Variants in TECPR1 observed in about 807,000 individuals in gnomAD.
The protein encoded by TECPR1 is tectonin beta-propeller repeat containing 1, also known as tectonin beta-propeller repeat-containing protein 1.
In TECPR1, 122 loss-of-function variants were observed where a neutral mutation model predicts 162.4. That is an observed-to-expected ratio of 0.75 (90% confidence interval 0.65 to 0.87). The LOEUF (loss-of-function observed/expected upper bound fraction) is 0.87. TECPR1 is among the 40% of genes least tolerant of loss of function. The pLI is 0.00. For missense variants in TECPR1, 1,432 were observed against 1,618.2 expected, an observed-to-expected ratio of 0.88 and a Z score of 1.97; for synonymous variants, 642 against 670.6, an observed-to-expected ratio of 0.96 and a Z score of 0.66.
intron 18 of TECPR1, 26 bp downstream of exon 18, chr7:98,224,979 AC>A (rs1327916948): frequency 2.6e-6 from 4 of 1,538,842 alleles, no homozygotes; most frequent in Non-Finnish European, 3.5e-6. Flanking sequence ...CGGATTCCCA[AC>A]CCCCCAGGGG....
rs187385588 is a variant in TECPR1, at chr7:98,241,731, C to T, written c.658-487G>A. Among the ~76,000 whole-genome samples the T allele has an allele frequency of 1.2e-3, 176 of 152,328 alleles. No homozygotes were observed. The highest frequency in any genetic ancestry group is 1.4e-3 in the Non-Finnish European group (96 of 68,020). ...AGCTGGGGGAGACTACATGTCACTT[C>T]GTGATCCAGAAAGGGCAAGGGACCC... On this transcript the variant is annotated intron_variant, in intron 6 of 25. Coordinates refer to ENST00000447648, the MANE Select transcript of TECPR1 (RefSeq NM_015395.3). The surrounding 1 kb of genome is among the most constrained non-coding windows in gnomAD (Gnocchi z 5.0).
intron 23 of TECPR1, among the ~76,000 whole-genome samples, chr7:98,220,845 C>T (rs1019250356): frequency 4.3e-5 from 6 of 138,998 alleles, no homozygotes; most frequent in African/African-American, 1.1e-4. Context: ...TGTGAGCCAC[C>T]GCGCTTGGCC....
rs758450212 is a variant in TECPR1, at chr7:98,246,096, C to T, written c.51G>A (p.Thr17=). Residue 17 remains threonine (T), a synonymous_variant, in exon 3 of 26, where the codon ACG becomes ACA. Transcript: ENST00000447648. ...CCCAGTACTGGCCTGCTGTGGACAGCGTGTACACTCTCCCGAAGAGGTCCA... is the reference window on the plus strand; with the variant it reads ...CCCAGTACTGGCCTGCTGTGGACAGTGTGTACACTCTCCCGAAGAGGTCCA... ...WAVDLFGRVY[T]LSTAGQYWEM... is the part of the protein sequence containing the mutation. The T allele has an allele frequency of 1.2e-5, 19 of 1,558,654 alleles. No individual in the cohort carries two copies. The highest frequency in any genetic ancestry group is 2.4e-5 in the East Asian group (1 of 41,466).
chr7:98,236,864 T>C lies in TECPR1; in HGVS notation c.1093A>G (p.Ser365Gly). The C allele has an allele frequency of 6.3e-7, 1 of 1,582,122 alleles. No homozygotes were observed. ...TTCCAGGTCTTCCCACTGAGCTCGCTGGGGGTGACACCCTGCCGGAAGTAC... is the reference window on the plus strand; with the variant it reads ...TTCCAGGTCTTCCCACTGAGCTCGCCGGGGGTGACACCCTGCCGGAAGTAC... ...AVYFRQGVTP[S>G]ELSGKTWKAI... The change falls in exon 10 of 26, where the codon AGC (serine) becomes GGC (glycine). Residue 365 changes from serine to glycine, a missense_variant. Physicochemically the swap from Ser to Gly is moderately conservative, Grantham distance 56. Transcript: ENST00000447648.
At chr7:98,227,556 C>T (rs1057377735) in intron 17 of TECPR1, among the ~76,000 whole-genome samples, 37 of 151,962 alleles carry the variant, frequency 2.4e-4, no homozygotes, top group Admixed American at 6.6e-5. Flanking sequence ...CGTGGTGGCT[C>T]ATGCCTGTAA....
rs1234554082 is a variant in TECPR1 at position 98,217,202 on chromosome 7, C to T, written c.*188G>A. On this transcript the variant is annotated 3_prime_UTR_variant, in exon 26 of 26. Coordinates refer to ENST00000447648, the MANE Select transcript of TECPR1 (RefSeq NM_015395.3). The stretch of plus-strand genomic sequence containing the variant: ...AGACGGGGACACGTGTGGGAGTGTC[C>T]GCGGAGCTTCACATTTCAGGGCCGT... 1.7e-5 allele frequency: 10 copies of T among 583,794 alleles called. No individual in the cohort carries two copies. Among genetic ancestry groups the T allele is most frequent in the South Asian group, 4.1e-5 (2 of 48,328 alleles). 36.2% of individuals were successfully genotyped at this position (583,794 alleles called of 1,614,324 possible).
chr7:98,217,914 G>A (rs769713156), intron 24 of TECPR1, 22 bp downstream of exon 24: 80 of 1,544,500 alleles, frequency 5.2e-5, no homozygotes, highest in East Asian at 1.7e-4. Flanking sequence ...CCAAGTGCCC[G>A]ATACCCCCTG....
chr7:98,236,216 A>C (rs1012800746), intron 10 of TECPR1, among the ~76,000 whole-genome samples: 14 of 152,178 alleles, frequency 9.2e-5, no homozygotes, highest in Non-Finnish European at 1.9e-4. Flanking sequence ...CCAAAACTGC[A>C]GCAGCATCAC....
In TECPR1 at chr7:98,233,432, G is replaced by A. The variant is rs1210742903; in HGVS notation, c.1661C>T (p.Thr554Ile). 2 of 1,458,800 alleles carry A rather than the reference G, an allele frequency of 1.4e-6. No homozygotes were observed. The highest frequency in any genetic ancestry group is 1.8e-6 in the Non-Finnish European group (2 of 1,104,796). The allele number at this position is 1,458,800 out of a possible 1,614,324, so 90.4% of individuals were successfully genotyped here. A position where few individuals can be genotyped will look rare whatever the true frequency, so the allele number is the denominator to read the frequency against. The change falls in exon 11 of 26, where the codon ACT becomes ATT. Residue 554 changes from threonine to isoleucine, a missense_variant. Transcript: ENST00000447648. ...VEACAMPRWF[T>I]VQAGLSSSVH... is the part of the protein sequence containing the mutation. ...GCAGGAGCCCTTACCCGCCTGGACA[G>A]TGAACCATCTGGGCATGGCACATGC...
Position 98,233,574 on chromosome 7 carries a change from G to A in TECPR1, c.1519C>T (p.Pro507Ser). 2.5e-6 allele frequency: 4 copies of A among 1,596,328 alleles called. No individual in the cohort carries two copies. Among genetic ancestry groups the A allele is most frequent in the Non-Finnish European group, 3.4e-6 (4 of 1,172,810 alleles). ...KVPSHSAAGFPETTSLSSLGL... is the reference protein window; with the variant it reads ...KVPSHSAAGFSETTSLSSLGL... ...AGAGAGGAGAGGCTGGTGGTCTCGGGGAAGCCAGCGGCCGAGTGGCTGGGC... is the reference window on the plus strand; with the variant it reads ...AGAGAGGAGAGGCTGGTGGTCTCGGAGAAGCCAGCGGCCGAGTGGCTGGGC... The change falls in exon 11 of 26, where the codon CCC (proline) becomes TCC (serine). Residue 507 changes from proline to serine, a missense_variant. Physicochemically the swap from Pro to Ser is moderately conservative, Grantham distance 74 (BLOSUM62 -1). Transcript: ENST00000447648.
Position 98,240,856 on chromosome 7 carries a change from A to T in TECPR1, c.928T>A (p.Trp310Arg), listed in dbSNP as rs748836498. The change falls in exon 8 of 26, where the codon TGG becomes AGG. Residue 310 changes from tryptophan to arginine, a missense_variant. By Grantham distance (101) the Trp-to-Arg change is moderately radical. Coordinates refer to ENST00000447648, the MANE Select transcript of TECPR1 (RefSeq NM_015395.3). The stretch of plus-strand genomic sequence containing the variant: ...CAGCCTCATCCCCATCTTACCTTCC[A>T]GTCCTTGGTGACAGCCCAGACCACG... ...VSVVWAVTKD[W>R]KVWFRRGVNS... is the part of the protein sequence containing the mutation. 1.2e-6 allele frequency: 2 copies of T among 1,601,316 alleles called. No individual in the cohort carries two copies. The highest frequency in any genetic ancestry group is 1.7e-6 in the Non-Finnish European group (2 of 1,176,624).
Position 98,223,626 on chromosome 7 carries a change from C to A in TECPR1, c.2747+36G>T, listed in dbSNP as rs534168122. ...CCCTCAAGGGTGGCTCCTCCAGGAG[C>A]CTGACCGTGACAGTCACCCTGCAGC... On this transcript the variant is annotated intron_variant, in intron 20 of 25. Coordinates refer to ENST00000447648, the MANE Select transcript of TECPR1 (RefSeq NM_015395.3). 1.2e-5 allele frequency: 19 copies of A among 1,612,034 alleles called. No homozygotes were observed. In the South Asian group the frequency reaches 2.1e-4, roughly 18 times the overall value.
At position 98,236,787 on chromosome 7, in the gene TECPR1, A is replaced by G; in HGVS notation, c.1170T>C (p.Ser390=). ...CCACCCCCAGTCACCTGAGGAGACT[A>G]GACGAGCTGCCAGAGTGTGACCGGT... is the stretch of plus-strand genomic sequence containing the variant. The part of the protein sequence containing the change: ...ECDRSHSGSS[S]SLLSAGCFFG... The change falls in exon 10 of 26, where the codon TCT becomes TCC. Residue 390 remains serine, a synonymous_variant. Coordinates refer to ENST00000447648, the MANE Select transcript of TECPR1 (RefSeq NM_015395.3). 6.3e-7 allele frequency: 1 copy of G among 1,594,044 alleles called. No homozygotes were observed.
chr7:98,236,409 A>G (rs1798601194), intron 10 of TECPR1, among the ~76,000 whole-genome samples: 1 of 152,016 alleles, frequency 6.6e-6, no homozygotes, highest in Non-Finnish European at 1.5e-5. Flanking sequence ...CTTCCACCCC[A>G]GAGAAACTGT....
chr7:98,232,726 G>T lies in TECPR1; in HGVS notation c.1818+101C>A. On this transcript the variant is annotated intron_variant, in intron 12 of 25. Transcript: ENST00000447648. The surrounding 1 kb of genome is among the most constrained non-coding windows in gnomAD (Gnocchi z 4.6). ...TCTGGGCGGGAGACCAGGGGATGGAGGCATCTATCTGTTTCTCTCAGAGCT... is the reference window on the plus strand; with the variant it reads ...TCTGGGCGGGAGACCAGGGGATGGATGCATCTATCTGTTTCTCTCAGAGCT... The T allele has an allele frequency of 7.3e-7, 1 of 1,373,366 alleles. No homozygotes were observed. The highest frequency in any genetic ancestry group is 9.6e-7 in the Non-Finnish European group (1 of 1,039,780). The allele number at this position is 1,373,366 out of a possible 1,614,324, so 85.1% of individuals were successfully genotyped here.
intron 17 of TECPR1, chr7:98,226,434 C>T: frequency 1.0e-6 from 1 of 985,372 alleles, no homozygotes; most frequent in Non-Finnish European, 1.2e-6. Context: ...ACACTGGGTC[C>T]ACTCTGGGTA....
intron 23 of TECPR1, among the ~76,000 whole-genome samples, chr7:98,218,661 G>A: frequency 6.6e-6 from 1 of 152,164 alleles, no homozygotes. Context: ...CTTAACCAAG[G>A]AGGTGAAAGA....
At position 98,234,051 on chromosome 7, in the gene TECPR1, C is replaced by T. The variant is rs1197090954; in HGVS notation, c.1182-140G>A. ...GAACCTCTCTGAACTCCTGTCTCTT[C>T]CTCTGTGCAAGGTATACATCAGCAC... On this transcript the variant is annotated intron_variant, in intron 10 of 25. Transcript: ENST00000447648. The T allele has an allele frequency of 3.4e-6, 4 of 1,181,400 alleles. No homozygotes were observed. In the African/African-American group the frequency reaches 6.2e-5, roughly 18 times the overall value. The allele number at this position is 1,181,400 out of a possible 1,614,324, so 73.2% of individuals were successfully genotyped here. A position where few individuals can be genotyped will look rare whatever the true frequency, so the allele number is the denominator to read the frequency against.
rs1798425955 is a variant in TECPR1 at position 98,231,233 on chromosome 7, C to A, written c.2115G>T (p.Met705Ile). The A allele has an allele frequency of 6.2e-7, 1 of 1,612,588 alleles. No homozygotes were observed. The highest frequency in any genetic ancestry group is 1.3e-5 in the African/African-American group (1 of 74,890). ...VRLAAATEQD[M>I]NDWLALLSLS... ...ACCACCGACCACTCACCCAGTCATT[C>A]ATGTCCTGCTCGGTGGCAGCAGCCA... Residue 705 changes from methionine (M) to isoleucine (I), a missense_variant, in exon 14 of 26, where the codon ATG becomes ATT. By Grantham distance (10) the Met-to-Ile change is conservative. Transcript: ENST00000447648.
Sources: allele counts gnomAD v4.1 joint callset (sites outside exome capture counted in the v4.1 genomes callset), GRCh38; gene constraint gnomAD v4.1.1; non-coding constraint Gnocchi (gnomAD v3.1); transcripts MANE v1.5; gene names NCBI Gene and HGNC (gene_info 2026-07-23, HGNC 2026-07-21).